CTNNA3: variants seen among roughly 807,000 people sequenced by gnomAD.
The protein encoded by CTNNA3 is catenin alpha 3, also known as catenin alpha-3.
In CTNNA3, 76 loss-of-function variants were observed where a neutral mutation model predicts 95.7. The observed-to-expected ratio is 0.79, with a 90% CI of 0.66 to 0.96. The LOEUF is 0.96. Ranked by LOEUF, CTNNA3 falls within the 40% of genes least tolerant of loss-of-function variation. The probability of loss-of-function intolerance (pLI) is 0.00; values close to 1 mark genes in which losing one functional copy is unlikely to be tolerated. For missense variants in CTNNA3, 1,191 were observed against 1,089.8 expected, an observed-to-expected ratio of 1.09 and a Z score of -1.31; for synonymous variants, 431 against 374.4, an observed-to-expected ratio of 1.15 and a Z score of -1.74.
At chr10:66,052,667 A>G (rs1035991894) in intron 15 of CTNNA3, among the ~76,000 whole-genome samples, 1 of 152,142 alleles carries the variant, frequency 6.6e-6, no homozygotes, top group Non-Finnish European at 1.5e-5. Context: ...TGAGTTCCAC[A>G]ATCTGAAGAC....
chr10:66,932,332 GTTTA>G (rs1405371934), intron 7 of CTNNA3, among the ~76,000 whole-genome samples: 1 of 152,076 alleles, frequency 6.6e-6, no homozygotes, highest in Non-Finnish European at 1.5e-5. Flanking sequence ...AACTCAAATC[GTTTA>G]TTTAAAGTGT....
At chr10:67,527,739 G>C (rs1840194738) in intron 4 of CTNNA3, among the ~76,000 whole-genome samples, 1 of 152,244 alleles carries the variant, frequency 6.6e-6, no homozygotes, top group Non-Finnish European at 1.5e-5. Flanking sequence ...TATCTACCAA[G>C]AGGTGGAAGT....
intron 9 of CTNNA3, among the ~76,000 whole-genome samples, chr10:66,641,235 T>C (rs896156920): frequency 2.0e-5 from 3 of 152,154 alleles, no homozygotes; most frequent in Non-Finnish European, 4.4e-5. Flanking sequence ...TTTAAAGATA[T>C]AAATTCCAAC....
At chr10:66,495,421 A>G (rs1840067813) in intron 11 of CTNNA3, among the ~76,000 whole-genome samples, 2 of 152,170 alleles carry the variant, frequency 1.3e-5, no homozygotes, top group South Asian at 4.1e-4. Context: ...TCAAAGAGGC[A>G]TTAATTTAAA....
At chr10:67,275,220 C>T (rs545878838) in intron 5 of CTNNA3, among the ~76,000 whole-genome samples, 19 of 152,102 alleles carry the variant, frequency 1.2e-4, no homozygotes, top group African/African-American at 3.9e-4. Flanking sequence ...TATTATCATC[C>T]CAGTTTCATA....
intron 13 of CTNNA3, among the ~76,000 whole-genome samples, chr10:66,278,250 A>G (rs1564834975): frequency 6.6e-6 from 1 of 150,674 alleles, no homozygotes; most frequent in Non-Finnish European, 1.5e-5. Context: ...AATGGAAAAA[A>G]ATATAGGCTA....
intron 10 of CTNNA3, among the ~76,000 whole-genome samples, chr10:66,565,516 G>A (rs1309806579): frequency 2.6e-5 from 4 of 152,118 alleles, no homozygotes; most frequent in Non-Finnish European, 5.9e-5. Flanking sequence ...GAAGGATAGG[G>A]GAAATATAAT....
At chr10:66,926,775 T>G in intron 7 of CTNNA3, 2 of 969,942 alleles carry the variant, frequency 2.1e-6, no homozygotes, top group Non-Finnish European at 3.0e-6. Context: ...AAGACAATTC[T>G]CTTTAATTAC....
At position 65,920,495 on chromosome 10, in the gene CTNNA3, G is replaced by A. The variant is rs769407192; in HGVS notation, c.2523C>T (p.Pro841=). 11 of 1,614,098 alleles carry A rather than the reference G, an allele frequency of 6.8e-6. No individual in the cohort carries two copies. Among genetic ancestry groups the A allele is most frequent in the African/African-American group, 5.3e-5 (4 of 75,002 alleles). ...KIIRIQSPAG[P]RHPVVMWRMK... Reference sequence around the variant, plus strand: ...TTCTCCACATCACAACTGGGTGCCGGGGCCCAGCAGGACTCTGGATTCGGA... The same window carrying A: ...TTCTCCACATCACAACTGGGTGCCGAGGCCCAGCAGGACTCTGGATTCGGA... Residue 841 remains proline (P), a synonymous_variant, in exon 18 of 18, where the codon CCC becomes CCT. Transcript: ENST00000433211.
chr10:67,509,781 T>A, intron 5 of CTNNA3, among the ~76,000 whole-genome samples: 1 of 152,208 alleles, frequency 6.6e-6, no homozygotes, highest in African/African-American at 2.4e-5. Flanking sequence ...TCTTCCACAA[T>A]GGTTGAAGTA....
At chr10:66,985,375 C>T (rs1364227319) in intron 7 of CTNNA3, among the ~76,000 whole-genome samples, 1 of 152,110 alleles carries the variant, frequency 6.6e-6, no homozygotes, top group Non-Finnish European at 1.5e-5. Flanking sequence ...GTTCCTACAG[C>T]TCAGAACATG....
At chr10:66,377,394 C>T (rs1403003395) in intron 12 of CTNNA3, among the ~76,000 whole-genome samples, 2 of 152,024 alleles carry the variant, frequency 1.3e-5, no homozygotes, top group East Asian at 3.9e-4. Context: ...TATGGATTAG[C>T]TATCTAGAAA....
intron 5 of CTNNA3, among the ~76,000 whole-genome samples, chr10:67,286,764 C>A (rs910160810): frequency 6.6e-6 from 1 of 152,166 alleles, no homozygotes; most frequent in Non-Finnish European, 1.5e-5. Flanking sequence ...ATTAACTCTG[C>A]ATTAACTCCT....
intron 13 of CTNNA3, among the ~76,000 whole-genome samples, chr10:66,121,115 T>C (rs1397426405): frequency 6.6e-6 from 1 of 152,220 alleles, no homozygotes; most frequent in Non-Finnish European, 1.5e-5. Flanking sequence ...TCTTGCCTAC[T>C]AGCCTTCTCT....
intron 7 of CTNNA3, among the ~76,000 whole-genome samples, chr10:66,801,994 G>GA (rs1564692480): frequency 6.6e-6 from 1 of 151,502 alleles, no homozygotes; most frequent in South Asian, 2.1e-4. Context: ...AAATTAATAG[G>GA]AAAAAATAAG....
chr10:66,599,783 A>G (rs1843855843), intron 10 of CTNNA3, among the ~76,000 whole-genome samples: 2 of 151,872 alleles, frequency 1.3e-5, no homozygotes, highest in South Asian at 4.1e-4. Context: ...CAGTCCACAT[A>G]TTAAGTAACT....
chr10:67,466,622 A>G (rs1208004733), intron 5 of CTNNA3, among the ~76,000 whole-genome samples: 3 of 152,208 alleles, frequency 2.0e-5, no homozygotes, highest in Admixed American at 6.5e-5. Context: ...TGGGTTTGCT[A>G]TATCCAAAGC....
intron 11 of CTNNA3, among the ~76,000 whole-genome samples, chr10:66,508,156 T>G (rs1173821018): frequency 6.6e-6 from 1 of 151,192 alleles, no homozygotes; most frequent in East Asian, 1.9e-4. Flanking sequence ...CAATTAAGAG[T>G]GTGGTGGTGC....
chr10:67,615,240 C>T lies in CTNNA3; in HGVS notation c.100-8191G>A, dbSNP rs914130840. ...CCACTGCTAACATAAGCCATTACTC[C>T]GAACTATTGAGGGACAGTAACAAAG... On this transcript the variant is annotated intron_variant, in intron 2 of 17. Transcript: ENST00000433211. Among the ~76,000 whole-genome samples, 6 of 152,178 alleles carry T rather than the reference C, an allele frequency of 3.9e-5. No individual in the cohort carries two copies. In the East Asian group the frequency reaches 7.7e-4, roughly 20 times the overall value.
Sources: gnomAD v4.1 joint callset for allele counts (sites outside exome capture counted in the v4.1 genomes callset) on GRCh38, gnomAD v4.1.1 for gene constraint, MANE v1.5 for transcripts, NCBI Gene and HGNC (gene_info 2026-07-23, HGNC 2026-07-21) for gene names.